Variants in OSBPL2 observed in about 807,000 individuals in gnomAD.
OSBPL2 encodes the protein oxysterol binding protein like 2, also known as oxysterol-binding protein-related protein 2.
A neutral mutation model predicts 58.4 loss-of-function variants in OSBPL2; 18 were observed. That is an observed-to-expected ratio of 0.31 (90% CI 0.21 to 0.46). OSBPL2 has a LOEUF of 0.46. Ranked by LOEUF, OSBPL2 falls within the 20% of genes least tolerant of loss-of-function variation. The pLI is 1.00. For synonymous variants in OSBPL2, 221 were observed against 234.1 expected (o/e 0.94, Z 0.51); for missense variants, 461 against 616.5 (o/e 0.75, Z 2.67).
chr20:62,265,664 G>A lies in OSBPL2; in HGVS notation c.258+1973G>A, dbSNP rs551895499. On this transcript the variant is annotated intron_variant, in intron 4 of 13. Coordinates refer to ENST00000313733, the MANE Select transcript of OSBPL2 (RefSeq NM_144498.4). ...CACATCTGTATTTCTGTATATATCT[G>A]TATGTTTCTTTTAAAATAAACCATT... 6.6e-5 allele frequency among the ~76,000 whole-genome samples: 10 copies of A among 152,202 alleles called. No homozygotes were observed. In the South Asian group the frequency reaches 2.1e-3, roughly 32 times the overall value.
At chr20:62,291,524 G>T in intron 12 of OSBPL2, 179 bp from the exon 13 acceptor site, 1 of 649,818 alleles carries the variant, frequency 1.5e-6, no homozygotes, top group South Asian at 1.7e-5. Flanking sequence ...CCCTGTTGGC[G>T]TGCCGGCCGC....
intron 13 of OSBPL2, among the ~76,000 whole-genome samples, chr20:62,292,411 C>T (rs1319164977): frequency 2.0e-5 from 3 of 152,208 alleles, no homozygotes; most frequent in Admixed American, 6.5e-5. Context: ...TGTGCTGTGC[C>T]GTGGCGTCTG....
chr20:62,286,723 T>C lies in OSBPL2; in HGVS notation c.1125+12T>C. On this transcript the variant is annotated intron_variant, in intron 11 of 13. Coordinates refer to ENST00000313733, the MANE Select transcript of OSBPL2 (RefSeq NM_144498.4). ...CCAACTCTGCCCAGGTCTGTGTCCC[T>C]CCATGGCCTGACGTCTCTGCCTGCT... is the stretch of plus-strand genomic sequence containing the variant. 6.2e-7 allele frequency: 1 copy of C among 1,605,644 alleles called. No homozygotes were observed. Among genetic ancestry groups the C allele is most frequent in the Non-Finnish European group, 8.5e-7 (1 of 1,174,272 alleles).
At chr20:62,278,729 T>G (rs1017517997) in intron 6 of OSBPL2, 2 of 177,430 alleles carry the variant, frequency 1.1e-5, no homozygotes, top group African/African-American at 5.6e-5. Context: ...AAGTGCGATG[T>G]CATGTTTGTG....
At chr20:62,292,274 C>T (rs918444592) in intron 13 of OSBPL2, among the ~76,000 whole-genome samples, 10 of 152,244 alleles carry the variant, frequency 6.6e-5, no homozygotes, top group East Asian at 3.8e-4. Flanking sequence ...GGCCACAGCC[C>T]GTGTGTAGGG....
rs1052658946 is a variant in OSBPL2 at position 62,281,770 on chromosome 20, T to C, written c.783-20T>C. 6.4e-7 allele frequency: 1 copy of C among 1,571,076 alleles called. No homozygotes were observed. Among genetic ancestry groups the C allele is most frequent in the Non-Finnish European group, 8.8e-7 (1 of 1,141,894 alleles). ...TGTTTGCTGTCTTGCAGCAGAAACC[T>C]GTGTTTGTTTTTCTCACAGAACTGG... On this transcript the variant is annotated intron_variant, in intron 8 of 13. Coordinates refer to ENST00000313733, the MANE Select transcript of OSBPL2 (RefSeq NM_144498.4).
intron 12 of OSBPL2, among the ~76,000 whole-genome samples, chr20:62,290,511 G>A (rs527620534): frequency 1.4e-5 from 2 of 146,112 alleles, no homozygotes; most frequent in East Asian, 4.0e-4. Context: ...CCGCCTTCTG[G>A]GTTCAGGCCA....
intron 13 of OSBPL2, among the ~76,000 whole-genome samples, chr20:62,293,485 T>C (rs905275203): frequency 3.9e-5 from 6 of 152,248 alleles, no homozygotes; most frequent in Admixed American, 2.0e-4. Flanking sequence ...AGAGGCATTA[T>C]TTAGGCTCCA....
At chr20:62,279,548 C>A (rs539567780) in intron 7 of OSBPL2, 1 of 580,788 alleles carries the variant, frequency 1.7e-6, no homozygotes, top group African/African-American at 1.9e-5. Flanking sequence ...AGTTGGAATT[C>A]GCCCCCCTTT....
intron 4 of OSBPL2, among the ~76,000 whole-genome samples, chr20:62,268,894 A>T (rs749755569): frequency 6.6e-6 from 1 of 152,058 alleles, no homozygotes; most frequent in African/African-American, 2.4e-5. Flanking sequence ...TGTCTCTACT[A>T]AAAATACAAA....
intron 1 of OSBPL2, among the ~76,000 whole-genome samples, chr20:62,255,602 C>G (rs535423114): frequency 2.6e-4 from 40 of 152,340 alleles, no homozygotes; most frequent in Non-Finnish European, 5.4e-4. Context: ...CTCCCGAGTT[C>G]AAGAGATTCT....
chr20:62,252,298 A>AC (rs370326569), intron 1 of OSBPL2, among the ~76,000 whole-genome samples: 231 of 152,258 alleles, frequency 1.5e-3, no homozygotes, highest in African/African-American at 5.3e-3. Flanking sequence ...TGAAAACATC[A>AC]CCATAATCAA....
intron 1 of OSBPL2, among the ~76,000 whole-genome samples, chr20:62,247,997 T>C (rs1335707154): frequency 2.0e-5 from 3 of 151,932 alleles, no homozygotes; most frequent in African/African-American, 7.3e-5. Context: ...ACCCCATCGT[T>C]GTTAATAGTG....
At chr20:62,253,391 G>T (rs1359559593) in intron 1 of OSBPL2, among the ~76,000 whole-genome samples, 2 of 152,186 alleles carry the variant, frequency 1.3e-5, no homozygotes, top group Non-Finnish European at 2.9e-5. Context: ...AGGAACTCTG[G>T]ACTTGAATGT....
intron 5 of OSBPL2, 47 bp from the exon 6 acceptor site, chr20:62,273,262 G>A (rs376733535): frequency 5.8e-5 from 86 of 1,487,574 alleles, no homozygotes; most frequent in Middle Eastern, 1.7e-4. Context: ...TCTCCAGCGC[G>A]TTTCCTAACT....
chr20:62,281,698 A>G, intron 8 of OSBPL2, 92 bp from the exon 9 acceptor site: 1 of 892,302 alleles, frequency 1.1e-6, no homozygotes, highest in Non-Finnish European at 1.9e-6. Context: ...CGCCTGCCCC[A>G]GGGGCCTCCA....
chr20:62,286,309 G>C (rs985758818), intron 10 of OSBPL2: 36 of 301,288 alleles, frequency 1.2e-4, no homozygotes, highest in African/African-American at 7.7e-4. Context: ...AATTAGCCGG[G>C]CATGGTTTTG....
At chr20:62,281,263 C>T in intron 8 of OSBPL2, 98 bp downstream of exon 8, 1 of 833,660 alleles carries the variant, frequency 1.2e-6, no homozygotes, top group South Asian at 1.5e-5. Flanking sequence ...GGTTTTAGCT[C>T]AGCCTCACGA....
At chr20:62,274,842 C>T (rs935216354) in intron 6 of OSBPL2, among the ~76,000 whole-genome samples, 2 of 152,204 alleles carry the variant, frequency 1.3e-5, no homozygotes, top group African/African-American at 2.4e-5. Context: ...GGAGGGAAGG[C>T]GGGCTCCTTT....
Sources: gnomAD v4.1 joint callset for allele counts (sites outside exome capture counted in the v4.1 genomes callset) on GRCh38, gnomAD v4.1.1 for gene constraint, MANE v1.5 for transcripts, NCBI Gene and HGNC (gene_info 2026-07-23, HGNC 2026-07-21) for gene names.